The following ARHGAP35 variants were observed in gnomAD, a reference collection of about 807,000 sequenced individuals.
ARHGAP35 encodes rho GTPase-activating protein 35.
In ARHGAP35, 15 loss-of-function variants were observed where a neutral mutation model predicts 111.1. That is an observed-to-expected ratio of 0.13 (90% CI 0.09 to 0.21). The LOEUF (loss-of-function observed/expected upper bound fraction) is 0.21, where lower values mean the gene tolerates loss of function less well. Among genes scored for constraint, ARHGAP35 ranks in the 10% least tolerant of loss-of-function variants. The pLI is 1.00. For missense variants in ARHGAP35, 1,262 were observed against 1,873.0 expected, an observed-to-expected ratio of 0.67 and a Z score of 6.02; for synonymous variants, 643 against 710.3, an observed-to-expected ratio of 0.91 and a Z score of 1.51.
chr19:46,975,377 G>A (rs1271893748), intron 3 of ARHGAP35, among the ~76,000 whole-genome samples: 1 of 152,120 alleles, frequency 6.6e-6, no homozygotes, highest in South Asian at 2.1e-4. Flanking sequence ...AGGAGAGGAG[G>A]CTGCCAGCCT....
chr19:46,876,942 C>G (rs1419255147), intron 1 of ARHGAP35, among the ~76,000 whole-genome samples: 1 of 152,096 alleles, frequency 6.6e-6, no homozygotes, highest in Non-Finnish European at 1.5e-5. Context: ...TTTTTCGTTT[C>G]CCAGTGCATA....
intron 3 of ARHGAP35, among the ~76,000 whole-genome samples, chr19:46,968,180 T>C (rs1327895808): frequency 6.6e-6 from 1 of 152,194 alleles, no homozygotes; most frequent in Non-Finnish European, 1.5e-5. Context: ...TGGAATTGTA[T>C]ACATAGAAAG....
intron 1 of ARHGAP35, among the ~76,000 whole-genome samples, chr19:46,874,887 C>T (rs1430913303): frequency 6.9e-6 from 1 of 145,430 alleles, no homozygotes; most frequent in Non-Finnish European, 1.5e-5. Context: ...TCTCAGCTCA[C>T]TGCAACCTCC....
At chr19:46,962,906 C>T (rs1004371067) in intron 3 of ARHGAP35, among the ~76,000 whole-genome samples, 9 of 152,156 alleles carry the variant, frequency 5.9e-5, no homozygotes, top group African/African-American at 9.7e-5. Context: ...CCACTGCGCC[C>T]GGCCTCAACC....
chr19:46,950,307 T>C (rs2056404177), intron 3 of ARHGAP35, among the ~76,000 whole-genome samples: 2 of 152,234 alleles, frequency 1.3e-5, no homozygotes, highest in South Asian at 4.1e-4. Context: ...TTCCACAATT[T>C]CTTTCTTTCT....
Position 46,920,584 on chromosome 19 carries a change from C to T in ARHGAP35, c.1909C>T (p.Leu637=), listed in dbSNP as rs1374076200. ...VIDGKMYELS[L]RPIEGNVRLP... is the part of the protein sequence containing the mutation. ...AGATGGTAAAATGTATGAGCTTTCC[C>T]TGAGGCCAATAGAGGGGAATGTCAG... Residue 637 remains leucine (L), a synonymous_variant, in exon 2 of 7, where the codon CTG becomes TTG. Transcript: ENST00000672722. The surrounding 1 kb of genome is among the most constrained non-coding windows in gnomAD (Gnocchi z 7.0). 1 of 1,614,010 alleles carries T rather than the reference C, an allele frequency of 6.2e-7. No individual in the cohort carries two copies. Among genetic ancestry groups the T allele is most frequent in the Non-Finnish European group, 8.5e-7 (1 of 1,179,888 alleles).
At chr19:46,969,076 G>A (rs1216026539) in intron 3 of ARHGAP35, among the ~76,000 whole-genome samples, 1 of 152,156 alleles carries the variant, frequency 6.6e-6, no homozygotes, top group South Asian at 2.1e-4. Context: ...CAGAGAGCAG[G>A]ACTGTCTCAA....
In ARHGAP35 at chr19:46,921,315, T is replaced by C. The variant is rs770244885; in HGVS notation, c.2640T>C (p.Ile880=). ...CCTTTCTTTGTGAAGTGCAGGATAT[T>C]ATCCCTATTCAGCTTGTAGCACTCA... is the stretch of plus-strand genomic sequence containing the variant. ...LRAFLCEVQD[I]IPIQLVALTD... is the part of the protein sequence containing the mutation. Residue 880 remains isoleucine, a synonymous_variant, in exon 2 of 7, where the codon ATT becomes ATC. Coordinates refer to ENST00000672722, the MANE Select transcript of ARHGAP35 (RefSeq NM_004491.5). This position sits in a 1 kb window ranked among gnomAD's most constrained non-coding sequence, Gnocchi z 4.3. The C allele has an allele frequency of 1.7e-5, 28 of 1,613,890 alleles. No individual in the cohort carries two copies. Among genetic ancestry groups the C allele is most frequent in the Middle Eastern group, 3.3e-4 (2 of 6,084 alleles).
chr19:46,897,305 G>A (rs1339669857), intron 1 of ARHGAP35, among the ~76,000 whole-genome samples: 1 of 151,946 alleles, frequency 6.6e-6, no homozygotes, highest in African/African-American at 2.4e-5. Context: ...GCACTTATTG[G>A]GGTGCACTTA....
At chr19:46,949,844 A>G (rs555516351) in intron 3 of ARHGAP35, among the ~76,000 whole-genome samples, 6 of 152,242 alleles carry the variant, frequency 3.9e-5, no homozygotes, top group Non-Finnish European at 8.8e-5. Flanking sequence ...AATGTTAGCC[A>G]TTATTTTGGT....
chr19:46,978,745 TGTGTGTGTGTGGTGGGGC>T (rs1264039024), intron 3 of ARHGAP35, among the ~76,000 whole-genome samples: 1 of 71,960 alleles, frequency 1.4e-5, no homozygotes, highest in Non-Finnish European at 2.6e-5. Context: ...GTCTGTGTGG[TGTGTGTGTGTGGTGGGGC>T]ATGTGTGTGG....
At chr19:46,971,787 C>T (rs1170965143) in intron 3 of ARHGAP35, among the ~76,000 whole-genome samples, 2 of 151,946 alleles carry the variant, frequency 1.3e-5, no homozygotes, top group African/African-American at 4.8e-5. Flanking sequence ...TGTGAGCCAC[C>T]GCACCTGGCC....
intron 1 of ARHGAP35, among the ~76,000 whole-genome samples, chr19:46,896,675 G>A (rs1295320771): frequency 3.3e-5 from 5 of 152,172 alleles, no homozygotes; most frequent in Admixed American, 6.5e-5. Context: ...GGCAGCTGGG[G>A]CCATACTAAG....
intron 2 of ARHGAP35, among the ~76,000 whole-genome samples, chr19:46,935,241 A>G (rs1158003565): frequency 1.3e-5 from 2 of 152,166 alleles, no homozygotes; most frequent in African/African-American, 2.4e-5. Flanking sequence ...TATGGAGTAC[A>G]TGGTTCTTCC....
At position 47,000,211 on chromosome 19, in the gene ARHGAP35, C is replaced by T. The variant is rs1200858280; in HGVS notation, c.4143-120C>T. ...CAGGGTACAGAGAGCTGCGCATGGC[C>T]TTTTCTGCTCCACCTGAGGGAAGAA... is the stretch of plus-strand genomic sequence containing the variant. On this transcript the variant is annotated intron_variant, in intron 6 of 6. Coordinates refer to ENST00000672722, the MANE Select transcript of ARHGAP35 (RefSeq NM_004491.5). The surrounding 1 kb of genome is among the most constrained non-coding windows in gnomAD (Gnocchi z 6.9). 1 of 1,106,938 alleles carries T rather than the reference C, an allele frequency of 9.0e-7. No homozygotes were observed. The highest frequency in any genetic ancestry group is 1.6e-5 in the African/African-American group (1 of 63,814). 68.6% of individuals were successfully genotyped at this position (1,106,938 alleles called of 1,614,324 possible).
At chr19:46,955,271 G>C (rs1360941070) in intron 3 of ARHGAP35, among the ~76,000 whole-genome samples, 1 of 152,180 alleles carries the variant, frequency 6.6e-6, no homozygotes, top group Non-Finnish European at 1.5e-5. Context: ...AGGTATTAAT[G>C]ATAAGTTCGT....
In ARHGAP35 at chr19:46,915,929, CTTTTTT is replaced by C. The variant is rs869240851; in HGVS notation, c.-188-2540_-188-2535del. Among the ~76,000 whole-genome samples, 19 of 113,568 alleles carry C rather than the reference CTTTTTT, an allele frequency of 1.7e-4. No homozygotes were observed. The South Asian group carries it at 2.3e-3, about 14-fold the overall frequency. The allele number at this position is 113,568 out of a possible 152,430, so 74.5% of individuals were successfully genotyped here. ...TAGCCTTCAGGAAGGAATCCAAACTCTTTTTTTTTTTTTTTTTTTTTTTTAAGATGG... is the reference window on the plus strand; with the variant it reads ...TAGCCTTCAGGAAGGAATCCAAACTCTTTTTTTTTTTTTTTTTTAAGATGG... On this transcript the variant is annotated intron_variant, in intron 1 of 6. Coordinates refer to ENST00000672722, the MANE Select transcript of ARHGAP35 (RefSeq NM_004491.5).
chr19:46,877,666 CTTAAT>C (rs1040224356), intron 1 of ARHGAP35, among the ~76,000 whole-genome samples: 4 of 152,016 alleles, frequency 2.6e-5, no homozygotes, highest in African/African-American at 9.7e-5. Flanking sequence ...AAGTATATAC[CTTAAT>C]TTAAAAGTAC....
chr19:46,882,614 C>T (rs2055968399), intron 1 of ARHGAP35, among the ~76,000 whole-genome samples: 1 of 152,196 alleles, frequency 6.6e-6, no homozygotes, highest in Admixed American at 6.5e-5. Context: ...TTAAGCCCCA[C>T]ATGCATTAGG....
Sources: gnomAD v4.1 joint callset for allele counts (sites outside exome capture counted in the v4.1 genomes callset) on GRCh38, gnomAD v4.1.1 for gene constraint, Gnocchi (gnomAD v3.1) non-coding constraint, MANE v1.5 for transcripts, NCBI Gene and HGNC (gene_info 2026-07-23, HGNC 2026-07-21) for gene names.